NINL: variants seen among roughly 807,000 people sequenced by gnomAD.
NINL encodes the protein ninein like.
A neutral mutation model predicts 160.3 loss-of-function variants in NINL; 153 were observed. That is an observed-to-expected ratio of 0.95 (90% confidence interval 0.84 to 1.09). The LOEUF (loss-of-function observed/expected upper bound fraction) is 1.09, where lower values mean the gene tolerates loss of function less well. Ranked by LOEUF, NINL falls within the 50% of genes least tolerant of loss-of-function variation. The pLI is 0.00. For synonymous variants in NINL, 800 were observed against 734.8 expected (o/e 1.09, Z -1.43); for missense variants, 1,829 against 1,764.0 (o/e 1.04, Z -0.66).
At chr20:25,510,539 A>G in intron 5 of NINL, 135 bp downstream of exon 5, 1 of 803,856 alleles carries the variant, frequency 1.2e-6, no homozygotes, top group Non-Finnish European at 2.2e-6. Context: ...GGAAGAATCC[A>G]GCGGGACACA....
rs765507718 is a variant in NINL, at chr20:25,476,537, A to G, written c.2754T>C (p.Ile918=). 6.2e-7 allele frequency: 1 copy of G among 1,600,530 alleles called. No individual in the cohort carries two copies. Among genetic ancestry groups the G allele is most frequent in the Non-Finnish European group, 8.5e-7 (1 of 1,179,828 alleles). Residue 918 remains isoleucine, a synonymous_variant, in exon 17 of 24, where the codon ATT becomes ATC. Transcript: ENST00000278886. ...CGAAAGGCTCTGGCTCCTTTGGGACAATATCCCCATCCACTCCACAGGGCT... is the reference window on the plus strand; with the variant it reads ...CGAAAGGCTCTGGCTCCTTTGGGACGATATCCCCATCCACTCCACAGGGCT... ...RMQPCGVDGD[I]VPKEPEPFGA... is the part of the protein sequence containing the mutation.
intron 1 of NINL, among the ~76,000 whole-genome samples, chr20:25,572,607 A>C (rs1459199198): frequency 6.6e-6 from 1 of 152,134 alleles, no homozygotes; most frequent in Non-Finnish European, 1.5e-5. Context: ...TGCTAAGTGA[A>C]CTCACAGTGA....
intron 1 of NINL, among the ~76,000 whole-genome samples, chr20:25,547,098 T>C (rs2147078842): frequency 6.6e-6 from 1 of 152,222 alleles, no homozygotes; most frequent in East Asian, 1.9e-4. Flanking sequence ...GACATACAGC[T>C]CCCAAAACCC....
intron 1 of NINL, among the ~76,000 whole-genome samples, chr20:25,551,692 A>C (rs1362409824): frequency 9.2e-5 from 14 of 152,352 alleles, no homozygotes; most frequent in Admixed American, 5.2e-4. Flanking sequence ...ATAACTGCTC[A>C]GCACCCGTAT....
intron 4 of NINL, among the ~76,000 whole-genome samples, chr20:25,511,245 G>A (rs988193172): frequency 6.6e-6 from 1 of 152,162 alleles, no homozygotes; most frequent in Non-Finnish European, 1.5e-5. Context: ...GTCGCAAGGT[G>A]AGAGCAGGTT....
In NINL at chr20:25,476,409, G is replaced by A; in HGVS notation, c.2882C>T (p.Pro961Leu). The A allele has an allele frequency of 6.3e-7, 1 of 1,574,826 alleles. No individual in the cohort carries two copies. The highest frequency in any genetic ancestry group is 2.5e-5 in the East Asian group (1 of 40,486). The change falls in exon 17 of 24, where the codon CCC (proline) becomes CTC (leucine). Residue 961 changes from proline (P) to leucine (L), a missense_variant. Coordinates refer to ENST00000278886, the MANE Select transcript of NINL (RefSeq NM_025176.6). Reference sequence around the variant, plus strand: ...CCTGCACGAAGCGGCCGGCCTCAGGGGTGGCTCCCACATCCGTGGCTGGGT... The same window carrying A: ...CCTGCACGAAGCGGCCGGCCTCAGGAGTGGCTCCCACATCCGTGGCTGGGT... The part of the protein sequence containing the change: ...SQTQPRMWEP[P>L]LRPAASCRGQ...
At chr20:25,556,320 AC>A (rs2147114494) in intron 1 of NINL, among the ~76,000 whole-genome samples, 1 of 152,198 alleles carries the variant, frequency 6.6e-6, no homozygotes, top group Non-Finnish European at 1.5e-5. Context: ...AACACAAAAA[AC>A]TTTTATCTAT....
At chr20:25,561,261 G>C (rs1246525481) in intron 1 of NINL, among the ~76,000 whole-genome samples, 4 of 152,190 alleles carry the variant, frequency 2.6e-5, no homozygotes, top group Admixed American at 6.5e-5. Flanking sequence ...CTGGTCTCCA[G>C]CTCCTAAGCG....
At chr20:25,510,542 G>C in intron 5 of NINL, 132 bp downstream of exon 5, 1 of 816,650 alleles carries the variant, frequency 1.2e-6, no homozygotes, top group Non-Finnish European at 2.1e-6. Context: ...AGAATCCAGC[G>C]GGACACAACC....
intron 3 of NINL, among the ~76,000 whole-genome samples, chr20:25,515,322 T>G (rs2064141633): frequency 6.6e-6 from 1 of 152,246 alleles, no homozygotes; most frequent in South Asian, 2.1e-4. Context: ...TGTAGCCCCT[T>G]TGTTTTGGCC....
chr20:25,572,797 G>C (rs1262417457), intron 1 of NINL, among the ~76,000 whole-genome samples: 2 of 152,128 alleles, frequency 1.3e-5, no homozygotes. Flanking sequence ...AACCTGAAAA[G>C]CCCTAGTGTC....
intron 17 of NINL, among the ~76,000 whole-genome samples, chr20:25,474,972 G>C: frequency 6.6e-6 from 1 of 151,750 alleles, no homozygotes; most frequent in Middle Eastern, 3.2e-3. Flanking sequence ...TAGTAGAGAT[G>C]GGGTTTCACC....
At chr20:25,572,049 C>T (rs11698677) in intron 1 of NINL, among the ~76,000 whole-genome samples, 2,172 of 152,162 alleles carry the variant, frequency 0.014, 16 homozygotes, top group Middle Eastern at 0.02. Context: ...CAGCAGAAGC[C>T]TAGCACACAC....
intron 11 of NINL, among the ~76,000 whole-genome samples, 167 bp downstream of exon 11, chr20:25,491,184 A>G (rs1428452005): frequency 6.6e-6 from 1 of 152,232 alleles, no homozygotes; most frequent in Non-Finnish European, 1.5e-5. Context: ...CTCTGCAGCA[A>G]GTGGGACACC....
chr20:25,534,157 T>C (rs1388980674), intron 1 of NINL, among the ~76,000 whole-genome samples: 1 of 152,182 alleles, frequency 6.6e-6, no homozygotes, highest in Non-Finnish European at 1.5e-5. Flanking sequence ...CTTGGCCTTA[T>C]CAGTACTGCA....
chr20:25,571,313 T>A (rs1447674292), intron 1 of NINL, among the ~76,000 whole-genome samples: 2 of 152,230 alleles, frequency 1.3e-5, no homozygotes, highest in African/African-American at 4.8e-5. Context: ...AGGGTTTCCC[T>A]CCCTGTCTCA....
At chr20:25,556,198 T>C (rs1473732415) in intron 1 of NINL, among the ~76,000 whole-genome samples, 1 of 151,984 alleles carries the variant, frequency 6.6e-6, no homozygotes, top group African/African-American at 2.4e-5. Context: ...GGGAGAGGAC[T>C]GCTTGAGCTT....
chr20:25,543,101 G>T (rs1250908456), intron 1 of NINL, among the ~76,000 whole-genome samples: 2 of 150,978 alleles, frequency 1.3e-5, no homozygotes, highest in South Asian at 4.2e-4. Flanking sequence ...TAATACGAAA[G>T]AAAAAAGTAA....
At chr20:25,456,243 A>G (rs2090675441) in intron 22 of NINL, among the ~76,000 whole-genome samples, 1 of 56,982 alleles carries the variant, frequency 1.8e-5, no homozygotes, top group Admixed American at 2.1e-4. Flanking sequence ...CTCCATCTCA[A>G]AAAAAAAAAA....
Sources: gnomAD v4.1 joint callset for allele counts (sites outside exome capture counted in the v4.1 genomes callset) on GRCh38, gnomAD v4.1.1 for gene constraint, MANE v1.5 for transcripts, NCBI Gene and HGNC (gene_info 2026-07-23, HGNC 2026-07-21) for gene names.